The following VAX2 variants were observed in gnomAD, a reference collection of about 807,000 sequenced individuals.
VAX2 encodes ventral anterior homeobox 2.
VAX2 carries 8 observed loss-of-function variants against 12.5 expected under a neutral mutation model. The ratio of observed to expected loss-of-function variants is 0.64; its 90% CI spans 0.37 to 1.15. The LOEUF (loss-of-function observed/expected upper bound fraction) is 1.15. VAX2 is among the 50% of genes most tolerant of loss of function. The pLI is 0.01. For missense variants in VAX2, 476 were observed against 412.9 expected (o/e 1.15, Z -1.32); for synonymous variants, 183 against 187.6 (o/e 0.98, Z 0.20).
intron 1 of VAX2, among the ~76,000 whole-genome samples, chr2:70,908,926 A>G (rs1302107172): frequency 1.3e-5 from 2 of 152,210 alleles, no homozygotes; most frequent in Non-Finnish European, 2.9e-5. Context: ...GACATTTTGT[A>G]TCATTTCATC....
intron 1 of VAX2, among the ~76,000 whole-genome samples, chr2:70,909,787 A>G (rs1679143650): frequency 6.6e-6 from 1 of 152,196 alleles, no homozygotes; most frequent in African/African-American, 2.4e-5. Context: ...CATATAACTT[A>G]TTTAACTAGT....
chr2:70,926,713 C>T (rs1244800354), intron 2 of VAX2, among the ~76,000 whole-genome samples: 1 of 152,090 alleles, frequency 6.6e-6, no homozygotes, highest in Non-Finnish European at 1.5e-5. Flanking sequence ...GAATCACTGG[C>T]TTATGGAAAA....
intron 2 of VAX2, among the ~76,000 whole-genome samples, chr2:70,929,232 G>GT (rs1553413963): frequency 1.3e-5 from 2 of 152,350 alleles, no homozygotes; most frequent in African/African-American, 4.8e-5. Context: ...CAGGGAGGCT[G>GT]TATGTGCCAT....
intron 1 of VAX2, among the ~76,000 whole-genome samples, chr2:70,905,288 T>C (rs1179772303): frequency 6.6e-6 from 1 of 152,182 alleles, no homozygotes; most frequent in Non-Finnish European, 1.5e-5. Context: ...GATTTTTGTA[T>C]TTGTTTTATT....
Position 70,932,838 on chromosome 2 carries a change from G to T in VAX2, c.507G>T (p.Ala169=). The T allele has an allele frequency of 1.2e-6, 2 of 1,612,546 alleles. No homozygotes were observed. Among genetic ancestry groups the T allele is most frequent in the Non-Finnish European group, 1.7e-6 (2 of 1,179,542 alleles). The change falls in exon 3 of 3, where the codon GCG becomes GCT. Residue 169 remains alanine (A), a synonymous_variant. Transcript: ENST00000234392. ...AGAGCAGAGACCTGGAGAAGCGGGC[G>T]TCCTCCTCAGCCTCCGAGGCCTTTG... ...KDQSRDLEKR[A]SSSASEAFAT...
At chr2:70,906,774 C>A (rs1030988876) in intron 1 of VAX2, among the ~76,000 whole-genome samples, 1 of 152,146 alleles carries the variant, frequency 6.6e-6, no homozygotes, top group African/African-American at 2.4e-5. Flanking sequence ...TGGCACGCAG[C>A]TTCCCATAAA....
chr2:70,906,730 C>CA (rs1679071469), intron 1 of VAX2, among the ~76,000 whole-genome samples: 1 of 152,142 alleles, frequency 6.6e-6, no homozygotes, highest in East Asian at 1.9e-4. Context: ...AATGCGTACT[C>CA]ACTGTGTGCC....
intron 1 of VAX2, among the ~76,000 whole-genome samples, chr2:70,913,097 C>T (rs572243587): frequency 1.7e-4 from 26 of 152,134 alleles, no homozygotes; most frequent in East Asian, 7.7e-4. Context: ...CAGAGACAAC[C>T]GCAAATTTTA....
rs1678894134 is a variant in VAX2 at position 70,900,626 on chromosome 2, G to C, written c.5G>C (p.Gly2Ala). Residue 2 changes from glycine to alanine, a missense_variant, in exon 1 of 3, where the codon GGC becomes GCC. Transcript: ENST00000234392. ...GGGTTGGCAGTGGCGGTCAGCATGG[G>C]CGATGGGGGCGCCGAGCGCGACCGG... M[G>A]DGGAERDRGP... 2 of 1,269,608 alleles carry C rather than the reference G, an allele frequency of 1.6e-6. No individual in the cohort carries two copies. The highest frequency in any genetic ancestry group is 1.6e-5 in the African/African-American group (1 of 64,460). 78.6% of individuals were successfully genotyped at this position (1,269,608 alleles called of 1,614,324 possible). A position where few individuals can be genotyped will look rare whatever the true frequency, so the allele number is the denominator to read the frequency against.
intron 1 of VAX2, among the ~76,000 whole-genome samples, chr2:70,901,579 G>C (rs532848442): frequency 6.6e-6 from 1 of 152,304 alleles, no homozygotes; most frequent in Admixed American, 6.5e-5. Context: ...CCTCTCAGCC[G>C]AACGCGCCTT....
At chr2:70,929,959 A>G (rs1679658617) in intron 2 of VAX2, among the ~76,000 whole-genome samples, 1 of 152,312 alleles carries the variant, frequency 6.6e-6, no homozygotes, top group African/African-American at 2.4e-5. Context: ...GCCTCAATGT[A>G]TATCTGGTGA....
intron 1 of VAX2, among the ~76,000 whole-genome samples, chr2:70,906,547 A>C: frequency 7.3e-5 from 1 of 13,778 alleles, no homozygotes; most frequent in African/African-American, 3.7e-4. Context: ...TTTTTTTTTT[A>C]GATAGAGTGG....
chr2:70,901,368 C>T (rs34327179), intron 1 of VAX2, among the ~76,000 whole-genome samples: 18,345 of 152,298 alleles, frequency 0.12, 1,265 homozygotes, highest in Admixed American at 0.2. Context: ...GGGACCCGCA[C>T]GGATTGCCCA....
At chr2:70,918,485 C>T (rs1029655246) in intron 1 of VAX2, among the ~76,000 whole-genome samples, 4 of 152,298 alleles carry the variant, frequency 2.6e-5, no homozygotes, top group Non-Finnish European at 4.4e-5. Flanking sequence ...CAGCACATCC[C>T]GAATACAGCT....
chr2:70,923,556 C>T (rs1679506816), intron 2 of VAX2, among the ~76,000 whole-genome samples: 1 of 152,216 alleles, frequency 6.6e-6, no homozygotes, highest in Non-Finnish European at 1.5e-5. Flanking sequence ...TTCCAGGAGC[C>T]ACCTGTGCTT....
chr2:70,913,419 C>T (rs927726016), intron 1 of VAX2, among the ~76,000 whole-genome samples: 7 of 152,160 alleles, frequency 4.6e-5, no homozygotes, highest in Non-Finnish European at 7.4e-5. Flanking sequence ...CAGTGGCTTA[C>T]GCCTGTAATC....
At chr2:70,925,271 T>A (rs1359860420) in intron 2 of VAX2, among the ~76,000 whole-genome samples, 2 of 152,016 alleles carry the variant, frequency 1.3e-5, no homozygotes, top group Non-Finnish European at 2.9e-5. Flanking sequence ...AGTGGACAGG[T>A]GTGGACAGGT....
intron 1 of VAX2, among the ~76,000 whole-genome samples, chr2:70,920,236 T>C (rs1553412615): frequency 2.0e-5 from 3 of 152,204 alleles, no homozygotes; most frequent in Non-Finnish European, 4.4e-5. Context: ...ATATAAAATG[T>C]TCTAATAACT....
chr2:70,918,768 C>T (rs561647863), intron 1 of VAX2, among the ~76,000 whole-genome samples: 4 of 150,566 alleles, frequency 2.7e-5, no homozygotes, highest in Non-Finnish European at 5.9e-5. Context: ...TGGTGGTGGG[C>T]GCCTGTAGTC....
Sources: allele counts gnomAD v4.1 joint callset (sites outside exome capture counted in the v4.1 genomes callset), GRCh38; gene constraint gnomAD v4.1.1; transcripts MANE v1.5; gene names NCBI Gene and HGNC (gene_info 2026-07-23, HGNC 2026-07-21).